The following TCF20 variants were observed in gnomAD, a reference collection of about 807,000 sequenced individuals.
TCF20 encodes the protein SPRE-binding protein.
TCF20 carries 3 observed loss-of-function variants against 148.6 expected under a neutral mutation model. That is an observed-to-expected ratio of 0.02 (90% CI 0.01 to 0.05). The LOEUF (loss-of-function observed/expected upper bound fraction) is 0.05, where lower values mean the gene tolerates loss of function less well. Among genes scored for constraint, TCF20 ranks in the 10% least tolerant of loss-of-function variants. TCF20 has a pLI of 1.00. For missense variants in TCF20, 2,350 were observed against 2,429.3 expected (o/e 0.97, Z 0.69); for synonymous variants, 1,049 against 909.5 (o/e 1.15, Z -2.76).
intron 1 of TCF20, among the ~76,000 whole-genome samples, chr22:42,239,249 G>C (rs1365021650): frequency 2.0e-5 from 3 of 152,122 alleles, no homozygotes; most frequent in African/African-American, 7.2e-5. Context: ...GGCCGAAGCG[G>C]GTGGATCATC....
rs753556372 is a variant in TCF20 at position 42,214,459 on chromosome 22, C to G, written c.847G>C (p.Ala283Pro). ...EGHNVGSNAQAYGTQSNYSYQ... is the reference protein window; with the variant it reads ...EGHNVGSNAQPYGTQSNYSYQ... The stretch of plus-strand genomic sequence containing the variant: ...CTGTAATTGGATTGTGTTCCATAAG[C>G]CTGTGCATTAGAACCCACATTGTGT... Residue 283 changes from alanine (A) to proline (P), a missense_variant, in exon 2 of 6, where the codon GCT becomes CCT. Transcript: ENST00000677622. 2.5e-6 allele frequency: 4 copies of G among 1,614,020 alleles called. No individual in the cohort carries two copies. Among genetic ancestry groups the G allele is most frequent in the African/African-American group, 1.3e-5 (1 of 74,884 alleles).
In TCF20 at chr22:42,205,894, C is replaced by T. The variant is rs367658070; in HGVS notation, c.5655+3757G>A. ...TCAAGCCATTCTCCTGCCTCAGCCTCCCGAGTAGCTGGGATTACAGGTGCC... is the reference window on the plus strand; with the variant it reads ...TCAAGCCATTCTCCTGCCTCAGCCTTCCGAGTAGCTGGGATTACAGGTGCC... On this transcript the variant is annotated intron_variant, in intron 2 of 5. Transcript: ENST00000677622. Among the ~76,000 whole-genome samples, 3 of 152,202 alleles carry T rather than the reference C, an allele frequency of 2.0e-5. No homozygotes were observed. The East Asian group carries it at 5.8e-4, about 29-fold the overall frequency.
chr22:42,328,813 GA>G (rs1443603924), intron 1 of TCF20, among the ~76,000 whole-genome samples: 2 of 152,332 alleles, frequency 1.3e-5, no homozygotes, highest in East Asian at 1.9e-4. Flanking sequence ...AGACGGGGGG[GA>G]AAGCCCCCAC....
upstream of TCF20, among the ~76,000 whole-genome samples, chr22:42,271,116 G>A (rs1926601396): frequency 6.6e-6 from 1 of 152,184 alleles, no homozygotes. Flanking sequence ...GGTCGGGCGT[G>A]GGGGCGGCTC....
chr22:42,239,327 T>C (rs1454790053), intron 1 of TCF20, among the ~76,000 whole-genome samples: 1 of 149,502 alleles, frequency 6.7e-6, no homozygotes, highest in East Asian at 2.0e-4. Context: ...AAATACAAAA[T>C]TAGCAGGGCG....
At chr22:42,291,311 C>T (rs996500405) in intron 1 of TCF20, among the ~76,000 whole-genome samples, 3 of 152,212 alleles carry the variant, frequency 2.0e-5, no homozygotes, top group African/African-American at 7.2e-5. Flanking sequence ...AGGGGAGGGG[C>T]CCTCCCCACA....
intron 1 of TCF20, among the ~76,000 whole-genome samples, chr22:42,229,584 A>T (rs1367057481): frequency 6.6e-6 from 1 of 152,170 alleles, no homozygotes; most frequent in Non-Finnish European, 1.5e-5. Flanking sequence ...TAGGGTGCGT[A>T]ACAACAGGTT....
intron 1 of TCF20, among the ~76,000 whole-genome samples, chr22:42,230,420 T>C (rs1361305235): frequency 6.6e-6 from 1 of 152,202 alleles, no homozygotes; most frequent in Non-Finnish European, 1.5e-5. Context: ...AAATAAACTA[T>C]GTTACTGGTT....
chr22:42,264,444 A>C (rs1007083539), intron 1 of TCF20, among the ~76,000 whole-genome samples: 1 of 152,216 alleles, frequency 6.6e-6, no homozygotes, highest in Non-Finnish European at 1.5e-5. Flanking sequence ...GGTACCACTA[A>C]TGATCTCCCT....
chr22:42,299,325 C>T lies in TCF20; in HGVS notation c.-37+44154G>A, dbSNP rs1927290602. On this transcript the variant is annotated intron_variant, in intron 1 of 1. Transcript: ENST00000515426. This position sits in a 1 kb window ranked among gnomAD's most constrained non-coding sequence, Gnocchi z 4.1. ...TGAGGGTCCTTCCCAGCCCCTCTCC[C>T]CACATCCAGCCCCCTGCTCTGGCAC... Among the ~76,000 whole-genome samples, 1 of 152,070 alleles carries T rather than the reference C, an allele frequency of 6.6e-6. No homozygotes were observed. Among genetic ancestry groups the T allele is most frequent in the South Asian group, 2.1e-4 (1 of 4,834 alleles).
intron 1 of TCF20, among the ~76,000 whole-genome samples, chr22:42,315,481 A>G (rs1242568711): frequency 6.6e-6 from 1 of 152,246 alleles, no homozygotes; most frequent in East Asian, 1.9e-4. Context: ...TGGGCTGGAC[A>G]TAGGCAGGAA....
chr22:42,323,992 G>GTGGTGGTGA (rs1927805166), intron 1 of TCF20, among the ~76,000 whole-genome samples: 1 of 139,446 alleles, frequency 7.2e-6, no homozygotes, highest in African/African-American at 2.9e-5. Context: ...GGTTATGGTG[G>GTGGTGGTGA]TGGAGGTGGT....
In TCF20 at chr22:42,212,383, G is replaced by A; in HGVS notation, c.2923C>T (p.Leu975Phe). The change falls in exon 2 of 6, where the codon CTT becomes TTT. Residue 975 changes from leucine to phenylalanine, a missense_variant. This residue lies in a region of TCF20 where 1,641 missense variants were observed against 1,662.6 expected (regional missense o/e 0.99). Coordinates refer to ENST00000677622, the MANE Select transcript of TCF20 (RefSeq NM_001378418.1). ...CTGTCTTGCGGGCCATAGTCTGAAA[G>A]GGAATCATGGGTTGCTGCTCCAGGG... is the stretch of plus-strand genomic sequence containing the variant. The part of the protein sequence containing the change: ...ASPGAATHDS[L>F]SDYGPQDSRP... The A allele has an allele frequency of 6.2e-7, 1 of 1,614,278 alleles. No individual in the cohort carries two copies. The highest frequency in any genetic ancestry group is 8.5e-7 in the Non-Finnish European group (1 of 1,180,054).
intron 1 of TCF20, among the ~76,000 whole-genome samples, chr22:42,240,175 C>T (rs1042619211): frequency 2.0e-5 from 3 of 152,104 alleles, no homozygotes; most frequent in Non-Finnish European, 2.9e-5. Context: ...TTCTAGACAA[C>T]GAAACAGAGG....
At chr22:42,304,096 G>A (rs930966944) in intron 1 of TCF20, among the ~76,000 whole-genome samples, 4 of 151,906 alleles carry the variant, frequency 2.6e-5, no homozygotes, top group Non-Finnish European at 5.9e-5. Context: ...GAGGTTTGGC[G>A]GTGATGGGGC....
chr22:42,215,627 A>G (rs1012246223), intron 1 of TCF20, among the ~76,000 whole-genome samples: 7 of 152,004 alleles, frequency 4.6e-5, no homozygotes, highest in Non-Finnish European at 1.0e-4. Context: ...CATGGCCACC[A>G]GGCTCGGCTA....
chr22:42,199,616 T>C (rs905873847), intron 2 of TCF20, among the ~76,000 whole-genome samples: 7 of 139,256 alleles, frequency 5.0e-5, no homozygotes, highest in African/African-American at 1.9e-4. Flanking sequence ...AGGCCTGTAA[T>C]CCCGACACTT....
intron 1 of TCF20, among the ~76,000 whole-genome samples, chr22:42,255,470 AGAGT>A (rs1430958607): frequency 6.6e-6 from 1 of 150,940 alleles, no homozygotes; most frequent in African/African-American, 2.4e-5. Flanking sequence ...ACCTGGCAAC[AGAGT>A]GAGACTTCAT....
At chr22:42,245,934 G>A (rs767012690) in intron 1 of TCF20, among the ~76,000 whole-genome samples, 2 of 151,806 alleles carry the variant, frequency 1.3e-5, no homozygotes, top group African/African-American at 4.8e-5. Flanking sequence ...TTTTTACAAC[G>A]TATTATCAAT....
Sources: gnomAD v4.1 joint callset for allele counts (sites outside exome capture counted in the v4.1 genomes callset) on GRCh38, gnomAD v4.1.1 for gene constraint, gnomAD v4.1.1 regional missense constraint, Gnocchi (gnomAD v3.1) non-coding constraint, MANE v1.5 for transcripts, NCBI Gene and HGNC (gene_info 2026-07-23, HGNC 2026-07-21) for gene names.